MSI1: variants seen among roughly 807,000 people sequenced by gnomAD.
The protein encoded by MSI1 is musashi RNA binding protein 1, also known as RNA-binding protein Musashi homolog 1.
Under a neutral mutation model 54.4 loss-of-function variants are expected in MSI1, and 15 were observed. That is an observed-to-expected ratio of 0.28 (90% CI 0.18 to 0.42). The LOEUF is 0.42. Among genes scored for constraint, MSI1 ranks in the 20% least tolerant of loss-of-function variants. The probability of loss-of-function intolerance (pLI) is 1.00; values close to 1 mark genes in which losing one functional copy is unlikely to be tolerated. For missense variants in MSI1, 304 were observed against 506.0 expected, an observed-to-expected ratio of 0.60 and a Z score of 3.83; for synonymous variants, 200 against 196.5, an observed-to-expected ratio of 1.02 and a Z score of -0.15.
rs907821120 is a variant in MSI1, at chr12:120,368,451, C to T, written c.101-178G>A. 1.3e-5 allele frequency among the ~76,000 whole-genome samples: 2 copies of T among 151,846 alleles called. No homozygotes were observed. The highest frequency in any genetic ancestry group is 4.8e-5 in the African/African-American group (2 of 41,368). On this transcript the variant is annotated intron_variant, in intron 2 of 14. Transcript: ENST00000257552. The surrounding 1 kb of genome is among the most constrained non-coding windows in gnomAD (Gnocchi z 6.6). ...CCCGTTCCCGCTGAGCCTCCTGGCG[C>T]CCACCGGGGCCCCGGGAAGCCGAGG... is the stretch of plus-strand genomic sequence containing the variant.
intron 4 of MSI1, among the ~76,000 whole-genome samples, chr12:120,365,742 C>T (rs1043636690): frequency 1.3e-5 from 2 of 152,120 alleles, no homozygotes; most frequent in Non-Finnish European, 2.9e-5. Flanking sequence ...GTGCAGTCTT[C>T]GGTGACGTGA....
At chr12:120,363,204 A>G in intron 5 of MSI1, 69 bp from the exon 6 acceptor site, 2 of 1,347,370 alleles carry the variant, frequency 1.5e-6, no homozygotes. Context: ...CAGGGGCTCG[A>G]GCCCCCCTGC....
intron 11 of MSI1, among the ~76,000 whole-genome samples, chr12:120,349,344 C>T (rs2136916338): frequency 6.6e-6 from 1 of 152,270 alleles, no homozygotes; most frequent in Middle Eastern, 3.4e-3. Flanking sequence ...GGTGATCTGC[C>T]TGCCTCAGGT....
At chr12:120,346,815 G>A (rs1292027915) in intron 12 of MSI1, among the ~76,000 whole-genome samples, 9 of 152,262 alleles carry the variant, frequency 5.9e-5, no homozygotes, top group East Asian at 1.9e-4. Flanking sequence ...TTTCCTAGAG[G>A]CCCCAGCTGG....
Position 120,346,141 on chromosome 12 carries a change from A to G in MSI1, c.1041T>C (p.Ser347=). Residue 347 remains serine (S), a synonymous_variant, in exon 13 of 15, where the codon AGT becomes AGC. Coordinates refer to ENST00000257552, the MANE Select transcript of MSI1 (RefSeq NM_002442.4). ...SPAPSTGFGH[S]LGGPLIATAF... ...GCTAGGCCTGGCCACTCACCCCAAGACTGTGGCCGAAGCCGGTGCTGGGGG... is the reference window on the plus strand; with the variant it reads ...GCTAGGCCTGGCCACTCACCCCAAGGCTGTGGCCGAAGCCGGTGCTGGGGG... 6.3e-7 allele frequency: 1 copy of G among 1,575,054 alleles called. No individual in the cohort carries two copies. The highest frequency in any genetic ancestry group is 8.6e-7 in the Non-Finnish European group (1 of 1,162,660).
chr12:120,348,715 C>T (rs945123584), intron 11 of MSI1, among the ~76,000 whole-genome samples: 10 of 151,896 alleles, frequency 6.6e-5, no homozygotes, highest in Admixed American at 1.3e-4. Flanking sequence ...GAAACCCCGT[C>T]TCTACTAAAC....
chr12:120,352,246 A>G (rs1592932036), intron 10 of MSI1, among the ~76,000 whole-genome samples: 1 of 152,204 alleles, frequency 6.6e-6, no homozygotes, highest in East Asian at 1.9e-4. Flanking sequence ...GGCTCAAGCC[A>G]TCCTCCCATC....
At chr12:120,366,841 C>A (rs1246457061) in intron 4 of MSI1, among the ~76,000 whole-genome samples, 1 of 152,144 alleles carries the variant, frequency 6.6e-6, no homozygotes, top group Non-Finnish European at 1.5e-5. Flanking sequence ...CTCCATCCCC[C>A]AGCCCCTAAA....
intron 4 of MSI1, among the ~76,000 whole-genome samples, chr12:120,365,898 A>G (rs1239099917): frequency 6.6e-6 from 1 of 152,178 alleles, no homozygotes; most frequent in East Asian, 1.9e-4. Context: ...GCTGCGGGGA[A>G]TCAGATGAGA....
chr12:120,359,045 G>A lies in MSI1; in HGVS notation c.411C>T (p.Asp137=), dbSNP rs140337833. 41 of 1,557,606 alleles carry A rather than the reference G, an allele frequency of 2.6e-5. No homozygotes were observed. The highest frequency in any genetic ancestry group is 6.8e-5 in the African/African-American group (5 of 73,508). The change falls in exon 7 of 15, where the codon GAC becomes GAT. Residue 137 remains aspartate, a synonymous_variant. Coordinates refer to ENST00000257552, the MANE Select transcript of MSI1 (RefSeq NM_002442.4). The part of the protein sequence containing the change: ...QYFEQFGKVD[D]AMLMFDKTTN... ...TGGTTTTGTCAAACATCAGCATGGC[G>A]TCGTCCACCTGAAACACAGCCCGCC...
Position 120,363,182 on chromosome 12 carries a change from T to C in MSI1, c.310-47A>G, listed in dbSNP as rs757559799. 7 of 1,531,060 alleles carry C rather than the reference T, an allele frequency of 4.6e-6. No homozygotes were observed. The South Asian group carries it at 7.8e-5, about 17-fold the overall frequency. The allele number at this position is 1,531,060 out of a possible 1,614,324, so 94.8% of individuals were successfully genotyped here. A position where few individuals can be genotyped will look rare whatever the true frequency, so the allele number is the denominator to read the frequency against. ...AAGTGGGCATCTGAGTCCTGTGGCCTACCGCCACCAGCAGGGGCTCGAGCC... is the reference window on the plus strand; with the variant it reads ...AAGTGGGCATCTGAGTCCTGTGGCCCACCGCCACCAGCAGGGGCTCGAGCC... On this transcript the variant is annotated intron_variant, in intron 5 of 14. Coordinates refer to ENST00000257552, the MANE Select transcript of MSI1 (RefSeq NM_002442.4).
chr12:120,356,731 C>T (rs1875154486), intron 9 of MSI1, among the ~76,000 whole-genome samples, 171 bp downstream of exon 9: 1 of 152,232 alleles, frequency 6.6e-6, no homozygotes, highest in Non-Finnish European at 1.5e-5. Flanking sequence ...ACCAAACCAC[C>T]CCACCTTGGG....
chr12:120,360,054 C>T (rs942916170), intron 6 of MSI1, among the ~76,000 whole-genome samples: 1 of 151,992 alleles, frequency 6.6e-6, no homozygotes, highest in African/African-American at 2.4e-5. Context: ...GGCATGATCT[C>T]GGCTAACTGC....
intron 5 of MSI1, among the ~76,000 whole-genome samples, chr12:120,363,606 C>T (rs1000619452): frequency 1.5e-4 from 23 of 152,162 alleles, no homozygotes; most frequent in African/African-American, 5.6e-4. Flanking sequence ...AACACATGGT[C>T]CTAATTACCC....
chr12:120,368,272 T>G lies in MSI1; in HGVS notation c.102A>C (p.Glu34Asp). The G allele has an allele frequency of 6.4e-7, 1 of 1,569,182 alleles. No individual in the cohort carries two copies. Residue 34 changes from glutamate to aspartate, a missense_variant and splice_region_variant, in exon 3 of 15, where the codon GAA becomes GAC. Physicochemically the swap from Glu to Asp is conservative, Grantham distance 45 (BLOSUM62 2). Coordinates refer to ENST00000257552, the MANE Select transcript of MSI1 (RefSeq NM_002442.4). The surrounding 1 kb of genome is among the most constrained non-coding windows in gnomAD (Gnocchi z 6.6). ...ACTGGCCGAAGTATTCGCGCAGCCCTTCTGTAACCACACACCCGCCTTCGG... is the reference window on the plus strand; with the variant it reads ...ACTGGCCGAAGTATTCGCGCAGCCCGTCTGTAACCACACACCCGCCTTCGG... ...IGGLSWQTTQ[E>D]GLREYFGQFG...
intron 14 of MSI1, among the ~76,000 whole-genome samples, chr12:120,344,106 T>C (rs890480670): frequency 6.6e-6 from 1 of 152,214 alleles, no homozygotes; most frequent in Admixed American, 6.5e-5. Context: ...TCCGCCTGCC[T>C]TGGCCCCGCA....
chr12:120,348,157 C>T (rs1039304990), intron 11 of MSI1, among the ~76,000 whole-genome samples: 1 of 135,758 alleles, frequency 7.4e-6, no homozygotes, highest in Admixed American at 7.4e-5. Context: ...CCAAATCCCC[C>T]CAGCCTCTTT....
intron 4 of MSI1, among the ~76,000 whole-genome samples, chr12:120,366,295 C>T (rs1035923226): frequency 6.6e-5 from 10 of 152,222 alleles, no homozygotes; most frequent in African/African-American, 1.9e-4. Context: ...TAGCCTCCTA[C>T]AGGCTCCCCC....
intron 7 of MSI1, among the ~76,000 whole-genome samples, chr12:120,358,247 C>T (rs1405225456): frequency 6.6e-6 from 1 of 152,222 alleles, no homozygotes; most frequent in East Asian, 1.9e-4. Flanking sequence ...CTCATTTAAA[C>T]TTACACAAAG....
Sources: allele counts gnomAD v4.1 joint callset (sites outside exome capture counted in the v4.1 genomes callset), GRCh38; gene constraint gnomAD v4.1.1; non-coding constraint Gnocchi (gnomAD v3.1); transcripts MANE v1.5; gene names NCBI Gene and HGNC (gene_info 2026-07-23, HGNC 2026-07-21).